The following NCS1 variants were observed in gnomAD, a reference collection of about 807,000 sequenced individuals.
The protein encoded by NCS1 is frequenin homolog.
In NCS1, 6 loss-of-function variants were observed where a neutral mutation model predicts 28.4. The ratio of observed to expected loss-of-function variants is 0.21; its 90% confidence interval spans 0.12 to 0.42. The LOEUF (loss-of-function observed/expected upper bound fraction) is 0.42, where lower values mean the gene tolerates loss of function less well. NCS1 is among the 10% of genes least tolerant of loss of function. NCS1 has a pLI of 1.00. For missense variants in NCS1, 131 were observed against 241.4 expected (o/e 0.54, Z 3.03); for synonymous variants, 86 against 99.3 (o/e 0.87, Z 0.79).
At chr9:130,174,494 G>T (rs904137862) in intron 1 of NCS1, among the ~76,000 whole-genome samples, 1 of 152,128 alleles carries the variant, frequency 6.6e-6, no homozygotes, top group African/African-American at 2.4e-5. Flanking sequence ...CTTGAACTCC[G>T]GTCTGTCCTG....
chr9:130,224,593 C>T (rs1833386811), intron 6 of NCS1, among the ~76,000 whole-genome samples: 1 of 151,402 alleles, frequency 6.6e-6, no homozygotes, highest in South Asian at 2.1e-4. Context: ...ACCATAGACA[C>T]TGGAGCCTAC....
chr9:130,202,354 A>AACCCCCCCG (rs1832961610), intron 2 of NCS1, among the ~76,000 whole-genome samples: 2 of 113,338 alleles, frequency 1.8e-5, no homozygotes, highest in African/African-American at 3.2e-5. Flanking sequence ...CCTCCCCCCC[A>AACCCCCCCG]CCCCCTGAAA....
rs1228162502 is a variant in NCS1 at position 130,209,963 on chromosome 9, C to A, written c.90-7869C>A. Among the ~76,000 whole-genome samples the A allele has an allele frequency of 6.6e-6, 1 of 151,950 alleles. No individual in the cohort carries two copies. Among genetic ancestry groups the A allele is most frequent in the African/African-American group, 2.4e-5 (1 of 41,332 alleles). On this transcript the variant is annotated intron_variant, in intron 2 of 7. Transcript: ENST00000372398. The surrounding 1 kb of genome is among the most constrained non-coding windows in gnomAD (Gnocchi z 4.4). The stretch of plus-strand genomic sequence containing the variant: ...TAATCCCCAAAGGGGTCTCTGGACC[C>A]CAAAGAGTTAAGACCCTGTTCGCGA...
At chr9:130,174,386 G>A (rs984849065) in intron 1 of NCS1, among the ~76,000 whole-genome samples, 3 of 152,216 alleles carry the variant, frequency 2.0e-5, no homozygotes, top group Non-Finnish European at 4.4e-5. Flanking sequence ...CAGGCTGGGT[G>A]CTGCTACGAT....
At chr9:130,216,124 G>C (rs782181007) in intron 2 of NCS1, among the ~76,000 whole-genome samples, 6 of 152,166 alleles carry the variant, frequency 3.9e-5, no homozygotes, top group Non-Finnish European at 7.3e-5. Flanking sequence ...CTCTTCATTG[G>C]GGAGGGGGAC....
chr9:130,233,403 C>T lies in NCS1; in HGVS notation c.*431C>T, dbSNP rs1475434262. ...AGATGGGGTGAAGGCCTGGGGACCT[C>T]AGAGAACTCTGCCTTGCCCTCGTCC... On this transcript the variant is annotated 3_prime_UTR_variant, in exon 8 of 8. Coordinates refer to ENST00000372398, the MANE Select transcript of NCS1 (RefSeq NM_014286.4). This position sits in a 1 kb window ranked among gnomAD's most constrained non-coding sequence, Gnocchi z 4.8. 3 of 152,524 alleles carry T rather than the reference C, an allele frequency of 2.0e-5. No homozygotes were observed. Among genetic ancestry groups the T allele is most frequent in the Non-Finnish European group, 4.4e-5 (3 of 68,054 alleles). 9.4% of individuals were successfully genotyped at this position (152,524 alleles called of 1,614,324 possible).
At position 130,180,856 on chromosome 9, in the gene NCS1, C is replaced by T. The variant is rs1832644310; in HGVS notation, c.64+8129C>T. Among the ~76,000 whole-genome samples the T allele has an allele frequency of 6.6e-6, 1 of 152,174 alleles. No homozygotes were observed. The highest frequency in any genetic ancestry group is 2.4e-5 in the African/African-American group (1 of 41,422). ...GGCTGAATTGGGAGCGAGTGGCAAA[C>T]ATGGAGGGCCTCTGTGGTGGCCCGG... On this transcript the variant is annotated intron_variant, in intron 1 of 7. Coordinates refer to ENST00000372398, the MANE Select transcript of NCS1 (RefSeq NM_014286.4). The surrounding 1 kb of genome is among the most constrained non-coding windows in gnomAD (Gnocchi z 4.5).
chr9:130,217,154 G>A (rs1253554387), intron 2 of NCS1, among the ~76,000 whole-genome samples: 1 of 152,212 alleles, frequency 6.6e-6, no homozygotes, highest in Non-Finnish European at 1.5e-5. Flanking sequence ...GGCTGTACAG[G>A]CAGTGAATGG....
rs1204165341 is a variant in NCS1, at chr9:130,219,775, A to G, written c.279A>G (p.Ser93=). 5.6e-6 allele frequency: 9 copies of G among 1,614,048 alleles called. No homozygotes were observed. The highest frequency in any genetic ancestry group is 7.6e-6 in the Non-Finnish European group (9 of 1,179,974). Residue 93 remains serine, a synonymous_variant, in exon 4 of 8, where the codon TCA becomes TCG. Coordinates refer to ENST00000372398, the MANE Select transcript of NCS1 (RefSeq NM_014286.4). The surrounding 1 kb of genome is among the most constrained non-coding windows in gnomAD (Gnocchi z 5.7). ...SEFIQALSVT[S]RGTLDEKLRW... is the part of the protein sequence containing the mutation. ...TCATCCAGGCGCTGTCGGTGACCTC[A>G]CGGGGAACCCTGGATGAGAAGCTAC...
chr9:130,217,756 G>T (rs2277198), intron 2 of NCS1, 76 bp from the exon 3 acceptor site: 2 of 1,604,540 alleles, frequency 1.2e-6, no homozygotes, highest in Non-Finnish European at 1.7e-6. Flanking sequence ...CCTGGGCCCC[G>T]GGCAGGCGAT....
chr9:130,203,133 TATA>T (rs1369384965), intron 2 of NCS1, among the ~76,000 whole-genome samples: 5 of 66,454 alleles, frequency 7.5e-5, no homozygotes, highest in South Asian at 6.4e-4. Flanking sequence ...TATATATATA[TATA>T]TTTTTTTTTT....
At chr9:130,222,975 G>A (rs546170569) in intron 5 of NCS1, 107 bp from the exon 6 acceptor site, 4 of 899,302 alleles carry the variant, frequency 4.4e-6, no homozygotes, top group South Asian at 4.3e-5. Context: ...GAAAGAAGAG[G>A]GGGGCGGCCC....
In NCS1 at chr9:130,222,659, A is replaced by G. The variant is rs1554910729; in HGVS notation, c.317A>G (p.Lys106Arg). ...TGCTGCTTGCTTACAGGGGCCTTCA[A>G]GCTCTACGACTTGGACAATGATGGC... ...TLDEKLRWAF[K>R]LYDLDNDGYI... The change falls in exon 5 of 8, where the codon AAG becomes AGG. Residue 106 changes from lysine to arginine, a missense_variant. This residue lies in a region of NCS1 where 100 missense variants were observed against 210.3 expected (regional missense o/e 0.48). Transcript: ENST00000372398. 1.2e-6 allele frequency: 2 copies of G among 1,614,032 alleles called. No homozygotes were observed. Among genetic ancestry groups the G allele is most frequent in the South Asian group, 2.2e-5 (2 of 91,068 alleles).
chr9:130,222,116 A>ATATATATATATGTGTATATATATATACG (rs1833336025), intron 4 of NCS1, among the ~76,000 whole-genome samples: 3 of 137,760 alleles, frequency 2.2e-5, no homozygotes, highest in Admixed American at 7.8e-5. Flanking sequence ...ATATATACGT[A>ATATATATATATGTGTATATATATATACG]TATATATATG....
chr9:130,222,573 C>A, intron 4 of NCS1, 77 bp from the exon 5 acceptor site: 1 of 1,224,798 alleles, frequency 8.2e-7, no homozygotes. Context: ...TGTTGGGGTA[C>A]AGAGAGGAGG....
chr9:130,190,711 C>T (rs1832806197), intron 1 of NCS1, among the ~76,000 whole-genome samples: 1 of 152,194 alleles, frequency 6.6e-6, no homozygotes, highest in Admixed American at 6.5e-5. Context: ...ATGATATCTC[C>T]CAGCTAAAGC....
At chr9:130,176,160 TTCTTTC>T (rs1164143775) in intron 1 of NCS1, among the ~76,000 whole-genome samples, 2 of 78,602 alleles carry the variant, frequency 2.5e-5, no homozygotes, top group Non-Finnish European at 4.3e-5. Flanking sequence ...CTTTCTTTCT[TTCTTTC>T]TTTCTTTCTT....
At chr9:130,176,182 C>CTTTCTTTCTTTCTTTCTTTCTT (rs1564700779) in intron 1 of NCS1, among the ~76,000 whole-genome samples, 48 of 61,066 alleles carry the variant, frequency 7.9e-4, no homozygotes, top group Admixed American at 1.9e-3. Flanking sequence ...TTCTTTCTTT[C>CTTTCTTTCTTTCTTTCTTTCTT]TTTCTTTCTT....
intron 4 of NCS1, among the ~76,000 whole-genome samples, chr9:130,221,449 G>A (rs1479367145): frequency 7.1e-6 from 1 of 140,406 alleles, no homozygotes. Flanking sequence ...GAGAGAGAGA[G>A]AGAAAGAGAG....
Sources: gnomAD v4.1 joint callset for allele counts (sites outside exome capture counted in the v4.1 genomes callset) on GRCh38, gnomAD v4.1.1 for gene constraint, gnomAD v4.1.1 regional missense constraint, Gnocchi (gnomAD v3.1) non-coding constraint, MANE v1.5 for transcripts, NCBI Gene and HGNC (gene_info 2026-07-23, HGNC 2026-07-21) for gene names.